SLC18A2: variants seen among roughly 807,000 people sequenced by gnomAD.
SLC18A2 encodes solute carrier family 18 member A2.
Under a neutral mutation model 59.2 loss-of-function variants are expected in SLC18A2, and 33 were observed. The observed-to-expected ratio is 0.56, with a 90% CI of 0.42 to 0.75. The LOEUF is 0.75. Ranked by LOEUF, SLC18A2 falls within the 30% of genes least tolerant of loss-of-function variation. The pLI is 0.00. For missense variants in SLC18A2, 569 were observed against 668.6 expected (o/e 0.85, Z 1.64); for synonymous variants, 228 against 253.5 (o/e 0.90, Z 0.95).
At chr10:117,265,777 C>T (rs760903371) in intron 10 of SLC18A2, among the ~76,000 whole-genome samples, 3 of 152,104 alleles carry the variant, frequency 2.0e-5, no homozygotes, top group Non-Finnish European at 4.4e-5. Context: ...CAGGTGTCCT[C>T]TATGGGGACA....
In SLC18A2 at chr10:117,269,990, T is replaced by A. The variant is rs1411269716; in HGVS notation, c.1187-81T>A. Reference sequence around the variant, plus strand: ...GGGGAAGAGCTGGCAGGGTGGTGAGTTTAAGACACACTCCCTGATATTCGG... The same window carrying A: ...GGGGAAGAGCTGGCAGGGTGGTGAGATTAAGACACACTCCCTGATATTCGG... On this transcript the variant is annotated intron_variant, in intron 13 of 15. Transcript: ENST00000644641. The surrounding 1 kb of genome is among the most constrained non-coding windows in gnomAD (Gnocchi z 5.1). 6.4e-7 allele frequency: 1 copy of A among 1,562,218 alleles called. No homozygotes were observed. Among genetic ancestry groups the A allele is most frequent in the Non-Finnish European group, 8.7e-7 (1 of 1,143,852 alleles).
chr10:117,258,998 A>C (rs1844260702), intron 10 of SLC18A2, among the ~76,000 whole-genome samples: 1 of 152,108 alleles, frequency 6.6e-6, no homozygotes, highest in African/African-American at 2.4e-5. Flanking sequence ...AATACAGTAG[A>C]TGGGGATTAT....
intron 9 of SLC18A2, among the ~76,000 whole-genome samples, chr10:117,256,136 T>C (rs1285117459): frequency 2.0e-5 from 3 of 152,298 alleles, no homozygotes; most frequent in African/African-American, 7.2e-5. Flanking sequence ...GCAGAGAGCA[T>C]CCCTGCCGAG....
At chr10:117,265,951 G>A (rs7099216) in intron 10 of SLC18A2, among the ~76,000 whole-genome samples, 69,998 of 151,810 alleles carry the variant, frequency 0.46, 17,129 homozygotes, top group Non-Finnish European at 0.54. Flanking sequence ...TTAACTAGGC[G>A]TGGTGGCGCA....
intron 3 of SLC18A2, among the ~76,000 whole-genome samples, chr10:117,244,624 C>T (rs1000507015): frequency 1.3e-5 from 2 of 152,218 alleles, no homozygotes; most frequent in Admixed American, 6.5e-5. Flanking sequence ...TTGTCAGAAT[C>T]GCCCTTGGCA....
chr10:117,267,199 C>G (rs889399616), intron 12 of SLC18A2, 164 bp downstream of exon 12: 1 of 601,282 alleles, frequency 1.7e-6, no homozygotes, highest in African/African-American at 1.9e-5. Flanking sequence ...TTGGACAAGA[C>G]TTTCCAAGGA....
chr10:117,275,538 C>T (rs949332165), intron 15 of SLC18A2, among the ~76,000 whole-genome samples: 19 of 152,330 alleles, frequency 1.2e-4, no homozygotes, highest in African/African-American at 4.6e-4. Flanking sequence ...ATGACGCCCC[C>T]TTGCCATCCT....
At chr10:117,268,339 G>A (rs1844373275) in intron 13 of SLC18A2, 2 of 152,660 alleles carry the variant, frequency 1.3e-5, no homozygotes, top group Admixed American at 1.3e-4. Context: ...CGCAACCTTT[G>A]AGTGGTACAG....
Position 117,279,347 on chromosome 10 carries a change from T to C in SLC18A2, c.*2081T>C, listed in dbSNP as rs1844546476. 1.3e-5 allele frequency: 2 copies of C among 152,180 alleles called. No individual in the cohort carries two copies. Among genetic ancestry groups the C allele is most frequent in the Admixed American group, 6.5e-5 (1 of 15,278 alleles). 9.4% of individuals were successfully genotyped at this position (152,180 alleles called of 1,614,324 possible). A position where few individuals can be genotyped will look rare whatever the true frequency, so the allele number is the denominator to read the frequency against. ...TACAGATACAAAAACTTTAATGAGG[T>C]AGCAATGAATATTCAACTGTTTGAC... On this transcript the variant is annotated 3_prime_UTR_variant, in exon 16 of 16. Transcript: ENST00000644641.
chr10:117,241,693 C>T lies in SLC18A2; in HGVS notation c.-1C>T. 1 of 1,588,914 alleles carries T rather than the reference C, an allele frequency of 6.3e-7. No individual in the cohort carries two copies. Among genetic ancestry groups the T allele is most frequent in the Non-Finnish European group, 8.6e-7 (1 of 1,169,386 alleles). On this transcript the variant is annotated 5_prime_UTR_variant, in exon 2 of 16. Transcript: ENST00000644641. ...CGCGCCCGCAGCGGAGCCCCGGAGC[C>T]ATGGCCCTGAGCGAGCTGGCGCTGG...
At chr10:117,268,991 C>T (rs1844385667) in intron 13 of SLC18A2, among the ~76,000 whole-genome samples, 1 of 9,556 alleles carries the variant, frequency 1.0e-4, no homozygotes, top group African/African-American at 1.9e-4. Flanking sequence ...CACATTCATA[C>T]ACACAAACAC....
chr10:117,254,835 C>G (rs1844209577), intron 6 of SLC18A2, among the ~76,000 whole-genome samples: 1 of 152,190 alleles, frequency 6.6e-6, no homozygotes, highest in Non-Finnish European at 1.5e-5. Flanking sequence ...TCTGCCTCCC[C>G]CAGCTGCCCT....
At chr10:117,257,054 G>T (rs1221402122) in intron 9 of SLC18A2, among the ~76,000 whole-genome samples, 2 of 152,176 alleles carry the variant, frequency 1.3e-5, no homozygotes, top group Non-Finnish European at 2.9e-5. Flanking sequence ...GCCTTTAAGT[G>T]TCATGTCGAA....
intron 15 of SLC18A2, among the ~76,000 whole-genome samples, chr10:117,272,153 A>G (rs925244544): frequency 6.6e-6 from 1 of 152,184 alleles, no homozygotes; most frequent in African/African-American, 2.4e-5. Context: ...AAATGAAAGA[A>G]TCCCAACAGA....
At chr10:117,266,158 A>G (rs1191156809) in intron 10 of SLC18A2, among the ~76,000 whole-genome samples, 1 of 151,862 alleles carries the variant, frequency 6.6e-6, no homozygotes, top group Non-Finnish European at 1.5e-5. Context: ...TATGTTTCTG[A>G]CATAGAAAAA....
Position 117,267,679 on chromosome 10 carries a change from T to C in SLC18A2, c.1129T>C (p.Phe377Leu), listed in dbSNP as rs1172107499. The change falls in exon 13 of 16, where the codon TTT (phenylalanine) becomes CTT (leucine). Residue 377 changes from phenylalanine (F) to leucine (L), a missense_variant. Around this residue, in one of 2 missense-constraint regions of SLC18A2, gnomAD observed 192 missense variants for 278.8 expected, o/e 0.69. Coordinates refer to ENST00000644641, the MANE Select transcript of SLC18A2 (RefSeq NM_003054.6). ...IVGVSILCIP[F>L]AKNIYGLIAP... is the part of the protein sequence containing the mutation. ...TGTTTATTTCCTCTTACAGATTCCA[T>C]TTGCAAAAAACATTTATGGACTCAT... is the stretch of plus-strand genomic sequence containing the variant. The C allele has an allele frequency of 6.4e-7, 1 of 1,563,774 alleles. No homozygotes were observed. Among genetic ancestry groups the C allele is most frequent in the Non-Finnish European group, 8.8e-7 (1 of 1,141,132 alleles).
At chr10:117,256,248 T>C (rs1443009712) in intron 9 of SLC18A2, among the ~76,000 whole-genome samples, 1 of 152,176 alleles carries the variant, frequency 6.6e-6, no homozygotes, top group East Asian at 1.9e-4. Flanking sequence ...GGAAGGATAA[T>C]GGTCTGCATC....
Position 117,278,083 on chromosome 10 carries a change from A to C in SLC18A2, c.*817A>C, listed in dbSNP as rs1844524841. ...AAAATTGAGGGTACATGTACCTTAT[A>C]CTGTCAAGGTTGTTTAAACATGATA... On this transcript the variant is annotated 3_prime_UTR_variant, in exon 16 of 16. Coordinates refer to ENST00000644641, the MANE Select transcript of SLC18A2 (RefSeq NM_003054.6). 6.6e-6 allele frequency: 1 copy of C among 152,194 alleles called. No individual in the cohort carries two copies. The highest frequency in any genetic ancestry group is 2.4e-5 in the African/African-American group (1 of 41,456). The allele number at this position is 152,194 out of a possible 1,614,324, so 9.4% of individuals were successfully genotyped here.
chr10:117,269,035 C>T lies in SLC18A2; in HGVS notation c.1187-1036C>T, dbSNP rs1844388032. 6.7e-6 allele frequency among the ~76,000 whole-genome samples: 1 copy of T among 148,570 alleles called. No homozygotes were observed. The highest frequency in any genetic ancestry group is 1.5e-5 in the Non-Finnish European group (1 of 66,870). Reference sequence around the variant, plus strand: ...ACACTGACACACGCATACACACACACATACACACATACACCCCCCACATAA... The same window carrying T: ...ACACTGACACACGCATACACACACATATACACACATACACCCCCCACATAA... On this transcript the variant is annotated intron_variant, in intron 13 of 15. Coordinates refer to ENST00000644641, the MANE Select transcript of SLC18A2 (RefSeq NM_003054.6). This position sits in a 1 kb window ranked among gnomAD's most constrained non-coding sequence, Gnocchi z 5.1.
Sources: allele counts gnomAD v4.1 joint callset (sites outside exome capture counted in the v4.1 genomes callset), GRCh38; gene constraint gnomAD v4.1.1; regional missense constraint gnomAD v4.1.1; non-coding constraint Gnocchi (gnomAD v3.1); transcripts MANE v1.5; gene names NCBI Gene and HGNC (gene_info 2026-07-23, HGNC 2026-07-21).